IL1R1: variants seen among roughly 807,000 people sequenced by gnomAD.
IL1R1 encodes the protein interleukin-1 receptor type 1.
Under a neutral mutation model 50.2 loss-of-function variants are expected in IL1R1, and 22 were observed. The ratio of observed to expected loss-of-function variants is 0.44; its 90% CI spans 0.31 to 0.63. The LOEUF is 0.63. Ranked by LOEUF, IL1R1 falls within the 20% of genes least tolerant of loss-of-function variation. IL1R1 has a pLI of 0.07. For synonymous variants in IL1R1, 251 were observed against 236.7 expected, an observed-to-expected ratio of 1.06 and a Z score of -0.55; for missense variants, 509 against 676.2, an observed-to-expected ratio of 0.75 and a Z score of 2.74.
At chr2:102,127,966 TAAG>T (rs1681817686) in intron 1 of IL1R1, among the ~76,000 whole-genome samples, 4 of 152,238 alleles carry the variant, frequency 2.6e-5, no homozygotes, top group Admixed American at 2.6e-4. Context: ...TTGTTTCCTT[TAAG>T]TTCTTTATTA....
At chr2:102,109,853 T>C (rs533382741) in intron 1 of IL1R1, among the ~76,000 whole-genome samples, 2 of 152,224 alleles carry the variant, frequency 1.3e-5, no homozygotes, top group Non-Finnish European at 2.9e-5. Context: ...TGGTGAGTGC[T>C]AGCTTGGGGG....
intron 1 of IL1R1, among the ~76,000 whole-genome samples, chr2:102,072,342 C>A (rs1453824593): frequency 6.6e-6 from 1 of 151,592 alleles, no homozygotes; most frequent in Non-Finnish European, 1.5e-5. Flanking sequence ...TTAGGATAAA[C>A]TAGAAATAAT....
rs148364799 is a variant in IL1R1, at chr2:102,176,491, A to C, written c.1442A>C (p.Asp481Ala). The C allele has an allele frequency of 1.3e-4, 208 of 1,614,122 alleles. No homozygotes were observed. Among genetic ancestry groups the C allele is most frequent in the Non-Finnish European group, 1.5e-4 (179 of 1,180,052 alleles). ...QIAMYNALVQ[D>A]GIKVVLLELE... is the part of the protein sequence containing the mutation. ...GCCATGTATAATGCTCTTGTTCAGG[A>C]TGGAATTAAAGTTGTCCTGCTTGAG... The change falls in exon 12 of 12, where the codon GAT becomes GCT. Residue 481 changes from aspartate to alanine, a missense_variant. Asp to Ala is a moderately radical substitution (Grantham distance 126). Coordinates refer to ENST00000410023, the MANE Select transcript of IL1R1 (RefSeq NM_000877.4).
upstream of IL1R1, among the ~76,000 whole-genome samples, chr2:102,102,080 A>G (rs1447269928): frequency 6.6e-6 from 1 of 152,186 alleles, no homozygotes; most frequent in Non-Finnish European, 1.5e-5. Flanking sequence ...GGAGCAAGAG[A>G]GAAGAAATCA....
intron 1 of IL1R1, among the ~76,000 whole-genome samples, chr2:102,080,888 G>A (rs1679176303): frequency 6.6e-6 from 1 of 152,180 alleles, no homozygotes; most frequent in Non-Finnish European, 1.5e-5. Context: ...AAGGAGTGAA[G>A]TACTACCTAT....
At chr2:102,130,614 C>T (rs1259981967) in intron 1 of IL1R1, among the ~76,000 whole-genome samples, 1 of 151,968 alleles carries the variant, frequency 6.6e-6, no homozygotes, top group Admixed American at 6.6e-5. Flanking sequence ...CAGTTTACTT[C>T]CTTCCCCCAA....
At chr2:102,083,668 AGGTGTGGT>A (rs1679314237) in intron 1 of IL1R1, among the ~76,000 whole-genome samples, 1 of 152,298 alleles carries the variant, frequency 6.6e-6, no homozygotes, top group South Asian at 2.1e-4. Context: ...AATATCGGCC[AGGTGTGGT>A]GGCTCACACC....
At chr2:102,086,552 G>T (rs1465738595) in intron 1 of IL1R1, among the ~76,000 whole-genome samples, 1 of 151,408 alleles carries the variant, frequency 6.6e-6, no homozygotes, top group Non-Finnish European at 1.5e-5. Flanking sequence ...TTTTTTTGGG[G>T]ATTTTAATTA....
intron 1 of IL1R1, among the ~76,000 whole-genome samples, chr2:102,088,299 C>T (rs1679513173): frequency 6.6e-6 from 1 of 152,192 alleles, no homozygotes; most frequent in African/African-American, 2.4e-5. Flanking sequence ...AAAATTACCT[C>T]TTGATCCAAT....
upstream of IL1R1, among the ~76,000 whole-genome samples, chr2:102,137,905 G>T (rs1036896100): frequency 2.6e-5 from 4 of 152,102 alleles, no homozygotes; most frequent in African/African-American, 9.7e-5. Context: ...TCTAGATTTT[G>T]GAAATTGCTT....
intron 1 of IL1R1, among the ~76,000 whole-genome samples, chr2:102,093,806 C>T (rs538389567): frequency 3.3e-5 from 5 of 152,330 alleles, no homozygotes; most frequent in South Asian, 2.1e-4. Context: ...GTGGGACCTC[C>T]GCGTGACCCT....
intron 2 of IL1R1, among the ~76,000 whole-genome samples, chr2:102,154,970 C>T (rs1470475815): frequency 6.6e-6 from 1 of 152,172 alleles, no homozygotes; most frequent in Non-Finnish European, 1.5e-5. Context: ...ATGGCTCTTC[C>T]AGTAGACACC....
At position 102,095,904 on chromosome 2, in the gene IL1R1, G is replaced by A. The variant is rs201378955; in HGVS notation, c.-84+25371G>A. Among the ~76,000 whole-genome samples the A allele has an allele frequency of 4.2e-4, 64 of 152,208 alleles. No homozygotes were observed. The East Asian group carries it at 0.012, about 28-fold the overall frequency. On this transcript the variant is annotated intron_variant, in intron 1 of 11. Coordinates refer to the IL1R1 transcript ENST00000409929. ...TGTAATCCCAGCTACTCGGGAGGCC[G>A]AGGGAGGAGAATCACTTGAACCCGG...
intron 7 of IL1R1, among the ~76,000 whole-genome samples, chr2:102,170,463 T>C (rs1685573575): frequency 6.6e-6 from 1 of 152,202 alleles, no homozygotes; most frequent in Admixed American, 6.5e-5. Context: ...AAAGACATTT[T>C]TATTATTGTT....
At chr2:102,071,976 G>T (rs1035095323) in intron 1 of IL1R1, among the ~76,000 whole-genome samples, 1 of 152,132 alleles carries the variant, frequency 6.6e-6, no homozygotes, top group African/African-American at 2.4e-5. Context: ...ATTGTACTTG[G>T]CCGGGTGTGG....
At chr2:102,136,666 G>A (rs541305121) in intron 1 of IL1R1, among the ~76,000 whole-genome samples, 6 of 152,258 alleles carry the variant, frequency 3.9e-5, no homozygotes, top group African/African-American at 9.6e-5. Flanking sequence ...GTGAGCCACC[G>A]TGCCCGGCTG....
rs558083319 is a variant in IL1R1 at position 102,137,485 on chromosome 2, G to A, written c.-83-16456G>A. 2.0e-5 allele frequency among the ~76,000 whole-genome samples: 3 copies of A among 152,248 alleles called. No homozygotes were observed. In the South Asian group the frequency reaches 6.2e-4, roughly 32 times the overall value. ...GGAATGTACTTTGGCTGACAGCTGG[G>A]GCTGTGGACTGGAGCACCTGTACAT... On this transcript the variant is annotated intron_variant, in intron 1 of 10. Coordinates refer to the IL1R1 transcript ENST00000409329.
chr2:102,109,167 C>T (rs1358722380), intron 1 of IL1R1, among the ~76,000 whole-genome samples: 1 of 152,066 alleles, frequency 6.6e-6, no homozygotes, highest in Non-Finnish European at 1.5e-5. Flanking sequence ...CAGACAGGCT[C>T]ACTCTGGAGC....
chr2:102,129,555 G>A (rs1339756187), intron 1 of IL1R1, among the ~76,000 whole-genome samples: 1 of 152,186 alleles, frequency 6.6e-6, no homozygotes, highest in Non-Finnish European at 1.5e-5. Flanking sequence ...CCCCCTAAAG[G>A]AGCAGTTCAA....
Sources: allele counts gnomAD v4.1 joint callset (sites outside exome capture counted in the v4.1 genomes callset), GRCh38; gene constraint gnomAD v4.1.1; transcripts MANE v1.5; gene names NCBI Gene and HGNC (gene_info 2026-07-23, HGNC 2026-07-21).